The following ZBTB16 variants were observed in gnomAD, a reference collection of about 807,000 sequenced individuals.
ZBTB16 encodes zinc finger and BTB domain containing 16.
Under a neutral mutation model 56.8 loss-of-function variants are expected in ZBTB16, and 8 were observed. The ratio of observed to expected loss-of-function variants is 0.14; its 90% CI spans 0.08 to 0.25. ZBTB16 has a LOEUF of 0.25. Among genes scored for constraint, ZBTB16 ranks in the 10% least tolerant of loss-of-function variants. The pLI is 1.00. For synonymous variants in ZBTB16, 363 were observed against 368.5 expected (o/e 0.98, Z 0.17); for missense variants, 625 against 903.0 (o/e 0.69, Z 3.95).
At chr11:114,243,643 T>C (rs1944757422) in intron 5 of ZBTB16, among the ~76,000 whole-genome samples, 1 of 152,236 alleles carries the variant, frequency 6.6e-6, no homozygotes, top group East Asian at 1.9e-4. Flanking sequence ...AAGGACTTTC[T>C]CTACAGCGAT....
intron 4 of ZBTB16, among the ~76,000 whole-genome samples, chr11:114,234,782 C>A (rs1944528192): frequency 6.6e-6 from 1 of 152,210 alleles, no homozygotes; most frequent in Admixed American, 6.5e-5. Context: ...AGCCTTCCTT[C>A]CTTGGGTGGG....
chr11:114,141,519 A>C (rs1241999657), intron 2 of ZBTB16, among the ~76,000 whole-genome samples: 1 of 152,222 alleles, frequency 6.6e-6, no homozygotes, highest in African/African-American at 2.4e-5. Flanking sequence ...TATCATAAAG[A>C]CATTATGTTC....
At chr11:114,187,377 C>G (rs1943386323) in intron 4 of ZBTB16, 1 of 339,860 alleles carries the variant, frequency 2.9e-6, no homozygotes, top group African/African-American at 2.1e-5. Flanking sequence ...ATCTTCTTCC[C>G]TTGGTCAGGA....
At chr11:114,131,696 T>C (rs552308743) in intron 2 of ZBTB16, among the ~76,000 whole-genome samples, 1 of 152,246 alleles carries the variant, frequency 6.6e-6, no homozygotes, top group Non-Finnish European at 1.5e-5. Context: ...CAGTTCAAAC[T>C]AAAATGCTCA....
chr11:114,235,629 C>CCTTCCTTTCTTTCTTTCTTT (rs767837990), intron 4 of ZBTB16, among the ~76,000 whole-genome samples: 167 of 97,820 alleles, frequency 1.7e-3, no homozygotes, highest in African/African-American at 5.7e-3. Flanking sequence ...CCTCTCCCTT[C>CCTTCCTTTCTTTCTTTCTTT]CTTTCTTTCT....
Position 114,063,227 on chromosome 11 carries a change from A to G in ZBTB16, c.-74A>G. The G allele has an allele frequency of 6.4e-7, 1 of 1,558,660 alleles. No individual in the cohort carries two copies. Among genetic ancestry groups the G allele is most frequent in the Non-Finnish European group, 8.7e-7 (1 of 1,147,386 alleles). On this transcript the variant is annotated 5_prime_UTR_variant, in exon 2 of 7. Coordinates refer to ENST00000335953, the MANE Select transcript of ZBTB16 (RefSeq NM_006006.6). This position sits in a 1 kb window ranked among gnomAD's most constrained non-coding sequence, Gnocchi z 6.5. ...TTCTCCTAGCCTCCTCTATTGGCCC[A>G]GGAAGCCCACCCAGCCCCGCCACGC...
intron 4 of ZBTB16, among the ~76,000 whole-genome samples, chr11:114,219,208 A>T (rs893136587): frequency 2.6e-5 from 4 of 152,182 alleles, no homozygotes; most frequent in African/African-American, 9.7e-5. Context: ...AGAGTTGAAG[A>T]TTATTACATC....
chr11:114,225,511 A>G (rs1944311345), intron 4 of ZBTB16, among the ~76,000 whole-genome samples: 1 of 152,086 alleles, frequency 6.6e-6, no homozygotes, highest in African/African-American at 2.4e-5. Flanking sequence ...TTGCTGCACC[A>G]CTCCATGGTG....
intron 3 of ZBTB16, among the ~76,000 whole-genome samples, chr11:114,179,408 C>T (rs1943194213): frequency 6.6e-6 from 1 of 152,134 alleles, no homozygotes; most frequent in South Asian, 2.1e-4. Flanking sequence ...ATAAGAGGTA[C>T]TGTAAATAAA....
chr11:114,194,890 C>T lies in ZBTB16; in HGVS notation c.1453+7852C>T, dbSNP rs755633437. Among the ~76,000 whole-genome samples the T allele has an allele frequency of 3.9e-5, 6 of 152,342 alleles. No homozygotes were observed. In the East Asian group the frequency reaches 1.2e-3, roughly 29 times the overall value. ...TTGAAATTTGACACACGGACACTAT[C>T]TTGGCTCAGGAAACACAAGTGGTTT... is the stretch of plus-strand genomic sequence containing the variant. On this transcript the variant is annotated intron_variant, in intron 4 of 6. Coordinates refer to ENST00000335953, the MANE Select transcript of ZBTB16 (RefSeq NM_006006.6).
At chr11:114,172,292 G>C (rs1209140522) in intron 3 of ZBTB16, among the ~76,000 whole-genome samples, 1 of 152,216 alleles carries the variant, frequency 6.6e-6, no homozygotes, top group African/African-American at 2.4e-5. Context: ...GCCTTAGAAG[G>C]AGCCCATGGT....
chr11:114,061,544 C>G (rs1415999900), intron 1 of ZBTB16: 2 of 152,268 alleles, frequency 1.3e-5, no homozygotes, highest in East Asian at 1.9e-4. Flanking sequence ...ACTGATAGAG[C>G]TCCTTCTGGG....
intron 4 of ZBTB16, among the ~76,000 whole-genome samples, chr11:114,210,192 T>TGTGCGC (rs773801156): frequency 0.057 from 8,153 of 143,230 alleles, 286 homozygotes; most frequent in Middle Eastern, 0.086. Context: ...TGTGTGTGTG[T>TGTGCGC]GCGTGCGCGC....
At chr11:114,205,792 T>A (rs1943855318) in intron 4 of ZBTB16, among the ~76,000 whole-genome samples, 1 of 152,214 alleles carries the variant, frequency 6.6e-6, no homozygotes, top group South Asian at 2.1e-4. Context: ...TTCATTTTAG[T>A]TACAGGAATT....
intron 2 of ZBTB16, among the ~76,000 whole-genome samples, chr11:114,124,092 AT>A (rs1941422251): frequency 6.6e-6 from 1 of 152,100 alleles, no homozygotes; most frequent in Admixed American, 6.5e-5. Context: ...GTCGGGGGTA[AT>A]GGGGAGTGAA....
At chr11:114,214,826 T>C (rs1944063826) in intron 4 of ZBTB16, among the ~76,000 whole-genome samples, 1 of 152,078 alleles carries the variant, frequency 6.6e-6, no homozygotes, top group African/African-American at 2.4e-5. Flanking sequence ...CTGTGGTGGT[T>C]TGTTTGTTTG....
intron 4 of ZBTB16, among the ~76,000 whole-genome samples, chr11:114,199,170 C>T (rs911666199): frequency 9.9e-5 from 15 of 152,020 alleles, no homozygotes; most frequent in East Asian, 1.9e-4. Flanking sequence ...TGCTGGGCCC[C>T]GGGACGGGGA....
intron 2 of ZBTB16, among the ~76,000 whole-genome samples, chr11:114,081,538 A>G (rs1461056865): frequency 1.3e-5 from 2 of 152,154 alleles, no homozygotes; most frequent in African/African-American, 4.8e-5. Flanking sequence ...TCTGCTGGGC[A>G]CCTGGGTAGG....
chr11:114,069,997 A>G lies in ZBTB16; in HGVS notation c.1268+5429A>G, dbSNP rs143227940. Among the ~76,000 whole-genome samples, 619 of 151,578 alleles carry G rather than the reference A, an allele frequency of 4.1e-3. 7 individuals are homozygous for G. Among genetic ancestry groups the G allele is most frequent in the Middle Eastern group, 6.8e-3 (2 of 294 alleles). On this transcript the variant is annotated intron_variant, in intron 2 of 6. Coordinates refer to ENST00000335953, the MANE Select transcript of ZBTB16 (RefSeq NM_006006.6). ...TTTATCCTGCTTAGTTTGAATATTC[A>G]TATGTTTTGCTGCAAAAATATTAAT... is the stretch of plus-strand genomic sequence containing the variant.
Sources: gnomAD v4.1 joint callset for allele counts (sites outside exome capture counted in the v4.1 genomes callset) on GRCh38, gnomAD v4.1.1 for gene constraint, Gnocchi (gnomAD v3.1) non-coding constraint, MANE v1.5 for transcripts, NCBI Gene and HGNC (gene_info 2026-07-23, HGNC 2026-07-21) for gene names.